SIPA1L2: variants seen among roughly 807,000 people sequenced by gnomAD.
SIPA1L2 encodes the protein signal-induced proliferation-associated 1-like protein 2.
Under a neutral mutation model 163.9 loss-of-function variants are expected in SIPA1L2, and 56 were observed. The observed-to-expected ratio is 0.34, with a 90% CI of 0.28 to 0.43. SIPA1L2 has a LOEUF of 0.43. Among genes scored for constraint, SIPA1L2 ranks in the 20% least tolerant of loss-of-function variants. The pLI is 1.00. For synonymous variants in SIPA1L2, 877 were observed against 865.7 expected (o/e 1.01, Z -0.23); for missense variants, 1,974 against 2,193.5 (o/e 0.90, Z 2.00).
rs372982536 is a variant in SIPA1L2 at position 232,629,677 on chromosome 1, C to T, written c.-319+192G>A. On this transcript the variant is annotated intron_variant, in intron 1 of 22. Coordinates refer to ENST00000674635, the MANE Select transcript of SIPA1L2 (RefSeq NM_020808.5). Reference sequence around the variant, plus strand: ...TCCAGCCGGGGATCGGGAGCGCGGGCGCATCTGCGTCTACAAGCCGGACCC... The same window carrying T: ...TCCAGCCGGGGATCGGGAGCGCGGGTGCATCTGCGTCTACAAGCCGGACCC... Among the ~76,000 whole-genome samples the T allele has an allele frequency of 6.7e-3, 1,027 of 152,162 alleles. 17 individuals carry two copies. The highest frequency in any genetic ancestry group is 0.022 in the African/African-American group (906 of 41,532).
At chr1:232,501,131 C>T (rs1666458327) in intron 3 of SIPA1L2, among the ~76,000 whole-genome samples, 1 of 133,138 alleles carries the variant, frequency 7.5e-6, no homozygotes, top group Admixed American at 9.2e-5. Flanking sequence ...AATCTTGGCT[C>T]ACTGCAAGCT....
intron 1 of SIPA1L2, among the ~76,000 whole-genome samples, chr1:232,590,529 A>T (rs1660904825): frequency 6.6e-6 from 1 of 152,226 alleles, no homozygotes; most frequent in Admixed American, 6.5e-5. Context: ...GAGGGTATGG[A>T]GGAGAAACAC....
intron 8 of SIPA1L2, among the ~76,000 whole-genome samples, chr1:232,467,697 A>G (rs944470166): frequency 6.6e-6 from 1 of 152,226 alleles, no homozygotes; most frequent in Non-Finnish European, 1.5e-5. Flanking sequence ...GATTTCTAGC[A>G]GTATTTTACC....
intron 3 of SIPA1L2, among the ~76,000 whole-genome samples, chr1:232,494,169 A>C (rs1371946632): frequency 6.6e-6 from 1 of 152,270 alleles, no homozygotes; most frequent in Non-Finnish European, 1.5e-5. Context: ...CTAAAACAGC[A>C]TAATGTTTAT....
chr1:232,455,777 G>A (rs1663876206), intron 10 of SIPA1L2, among the ~76,000 whole-genome samples: 1 of 146,766 alleles, frequency 6.8e-6, no homozygotes, highest in South Asian at 2.2e-4. Flanking sequence ...GCCATAAAAA[G>A]AACGAAACCA....
intron 5 of SIPA1L2, among the ~76,000 whole-genome samples, chr1:232,486,474 G>A (rs1258463404): frequency 6.6e-6 from 1 of 152,182 alleles, no homozygotes; most frequent in Non-Finnish European, 1.5e-5. Context: ...ATCAGTGGAT[G>A]TGACTAAAGC....
chr1:232,626,131 G>A (rs543814659), intron 1 of SIPA1L2, among the ~76,000 whole-genome samples: 4 of 151,556 alleles, frequency 2.6e-5, no homozygotes, highest in South Asian at 2.1e-4. Flanking sequence ...GGATTTTGAC[G>A]AAATGCATTG....
chr1:232,435,719 C>G (rs1323933472), intron 15 of SIPA1L2, among the ~76,000 whole-genome samples: 1 of 152,156 alleles, frequency 6.6e-6, no homozygotes. Context: ...TATCTAAATG[C>G]CCTGCCCTCG....
intron 1 of SIPA1L2, among the ~76,000 whole-genome samples, chr1:232,581,043 T>G (rs916624536): frequency 6.6e-6 from 1 of 152,004 alleles, no homozygotes; most frequent in Non-Finnish European, 1.5e-5. Context: ...TCCTGACAAA[T>G]CTCCTCCTCC....
chr1:232,501,979 C>T (rs61823627), intron 3 of SIPA1L2, among the ~76,000 whole-genome samples: 2,763 of 152,294 alleles, frequency 0.018, 34 homozygotes, highest in Non-Finnish European at 0.03. Context: ...TTTTTAAATT[C>T]CTTCACTGTC....
chr1:232,580,654 C>A (rs949481616), intron 1 of SIPA1L2, among the ~76,000 whole-genome samples: 1 of 152,138 alleles, frequency 6.6e-6, no homozygotes, highest in African/African-American at 2.4e-5. Flanking sequence ...AGCCCTCAGA[C>A]AGAATGGATG....
chr1:232,411,409 T>C (rs1462400576), intron 19 of SIPA1L2, among the ~76,000 whole-genome samples: 19 of 152,320 alleles, frequency 1.2e-4, no homozygotes, highest in African/African-American at 4.6e-4. Context: ...GGCACAGTTC[T>C]GCACAGGTCA....
At chr1:232,399,752 T>C (rs1355262872) in intron 22 of SIPA1L2, among the ~76,000 whole-genome samples, 1 of 152,212 alleles carries the variant, frequency 6.6e-6, no homozygotes, top group Non-Finnish European at 1.5e-5. Flanking sequence ...TAAAATCTGC[T>C]ATTAAAAACT....
chr1:232,459,211 G>A (rs546137892), intron 10 of SIPA1L2, among the ~76,000 whole-genome samples: 10 of 152,258 alleles, frequency 6.6e-5, no homozygotes, highest in Admixed American at 5.2e-4. Flanking sequence ...CTAGCAACAC[G>A]TGGCCAATTA....
chr1:232,559,246 A>G (rs1477477882), intron 2 of SIPA1L2, among the ~76,000 whole-genome samples: 2 of 152,230 alleles, frequency 1.3e-5, no homozygotes, highest in African/African-American at 2.4e-5. Flanking sequence ...GCAGAGCTCA[A>G]TCATAGGGCA....
At chr1:232,576,893 A>C (rs1459098225) in intron 1 of SIPA1L2, among the ~76,000 whole-genome samples, 1 of 152,046 alleles carries the variant, frequency 6.6e-6, no homozygotes, top group African/African-American at 2.4e-5. Context: ...CTTCAATTCA[A>C]TGAAGGCTGA....
chr1:232,594,851 G>A (rs1661171641), intron 1 of SIPA1L2, among the ~76,000 whole-genome samples: 1 of 152,120 alleles, frequency 6.6e-6, no homozygotes, highest in Admixed American at 6.5e-5. Flanking sequence ...GTCTCAGGCA[G>A]GCCAGTGGTG....
At chr1:232,546,804 G>A (rs1158421080) in intron 2 of SIPA1L2, among the ~76,000 whole-genome samples, 3 of 152,182 alleles carry the variant, frequency 2.0e-5, no homozygotes, top group African/African-American at 7.2e-5. Flanking sequence ...TAACCGCACA[G>A]CACTATGAAG....
chr1:232,580,986 C>G (rs1660341057), intron 1 of SIPA1L2, among the ~76,000 whole-genome samples: 1 of 152,148 alleles, frequency 6.6e-6, no homozygotes, highest in African/African-American at 2.4e-5. Flanking sequence ...ACATGAATGG[C>G]CCATAGCACC....
Sources: gnomAD v4.1 joint callset for allele counts (sites outside exome capture counted in the v4.1 genomes callset) on GRCh38, gnomAD v4.1.1 for gene constraint, MANE v1.5 for transcripts, NCBI Gene and HGNC (gene_info 2026-07-23, HGNC 2026-07-21) for gene names.